CFAP74: variants seen among roughly 807,000 people sequenced by gnomAD.
CFAP74 encodes the protein cilia and flagella associated protein 74.
A neutral mutation model predicts 188.9 loss-of-function variants in CFAP74; 124 were observed. The observed-to-expected ratio is 0.66, with a 90% CI of 0.57 to 0.76. The LOEUF (loss-of-function observed/expected upper bound fraction) is 0.76. CFAP74 is among the 30% of genes least tolerant of loss of function. The probability of loss-of-function intolerance (pLI) is 0.00; values close to 1 mark genes in which losing one functional copy is unlikely to be tolerated. For synonymous variants in CFAP74, 956 were observed against 916.7 expected (o/e 1.04, Z -0.77); for missense variants, 2,198 against 2,165.2 (o/e 1.02, Z -0.30).
chr1:1,969,933 C>G (rs548480267), intron 10 of CFAP74, among the ~76,000 whole-genome samples: 1 of 152,334 alleles, frequency 6.6e-6, no homozygotes, highest in Non-Finnish European at 1.5e-5. Flanking sequence ...AGGGCAGCTT[C>G]GGGCAAAACC....
Position 1,959,151 on chromosome 1 carries a change from A to G in CFAP74, c.1820T>C (p.Val607Ala), listed in dbSNP as rs1266990863. ...SFLAQTGEFS[V>A]PLKCSTKKCS... ...TTTCTTTGTTGAACATTTCAGTGGA[A>G]CTGAAAACTCGCCCGTCTGAGCCAA... Residue 607 changes from valine to alanine, a missense_variant, in exon 16 of 39, where the codon GTT (valine) becomes GCT (alanine). Val to Ala is a moderately conservative substitution (Grantham distance 64). Coordinates refer to ENST00000682832, the MANE Select transcript of CFAP74 (RefSeq NM_001304360.2). 22 of 1,613,068 alleles carry G rather than the reference A, an allele frequency of 1.4e-5. No homozygotes were observed. The highest frequency in any genetic ancestry group is 1.9e-5 in the Non-Finnish European group (22 of 1,179,366).
Position 1,972,453 on chromosome 1 carries a change from C to G in CFAP74, c.786-371G>C, listed in dbSNP as rs79954553. Among the ~76,000 whole-genome samples the G allele has an allele frequency of 8.3e-3, 1,259 of 152,362 alleles. 22 individuals are homozygous for G. The highest frequency in any genetic ancestry group is 0.028 in the African/African-American group (1,168 of 41,588). On this transcript the variant is annotated intron_variant, in intron 8 of 38. Coordinates refer to ENST00000682832, the MANE Select transcript of CFAP74 (RefSeq NM_001304360.2). Reference sequence around the variant, plus strand: ...AGGCCACGAGGACATGGCGGGAACACGCCCAGCGCATCTCAAGGGCCTCTT... The same window carrying G: ...AGGCCACGAGGACATGGCGGGAACAGGCCCAGCGCATCTCAAGGGCCTCTT...
intron 14 of CFAP74, among the ~76,000 whole-genome samples, chr1:1,960,676 T>C (rs1481494582): frequency 6.6e-6 from 1 of 152,214 alleles, no homozygotes; most frequent in Non-Finnish European, 1.5e-5. Flanking sequence ...AAAATTTTAA[T>C]GTAAAATGTG....
intron 1 of CFAP74, among the ~76,000 whole-genome samples, chr1:1,998,253 G>C (rs528003505): frequency 2.6e-5 from 4 of 152,272 alleles, no homozygotes; most frequent in African/African-American, 7.2e-5. Context: ...ACTCCAGCCT[G>C]GGTGACAGAG....
intron 1 of CFAP74, among the ~76,000 whole-genome samples, chr1:1,997,085 C>A (rs1657956440): frequency 6.6e-6 from 1 of 152,124 alleles, no homozygotes; most frequent in Non-Finnish European, 1.5e-5. Flanking sequence ...AAAACCACTT[C>A]TCAGTATTCA....
At chr1:1,970,563 C>T in intron 10 of CFAP74, 96 bp downstream of exon 10, 2 of 1,355,682 alleles carry the variant, frequency 1.5e-6, no homozygotes, top group Non-Finnish European at 2.0e-6. Flanking sequence ...GGAGAGAGAG[C>T]AGCTTTGCTC....
At chr1:1,933,368 C>G (rs1201617909) in intron 25 of CFAP74, among the ~76,000 whole-genome samples, 1 of 151,112 alleles carries the variant, frequency 6.6e-6, no homozygotes, top group Non-Finnish European at 1.5e-5. Context: ...TTAGTAGAGA[C>G]AGGGTTTCAC....
Position 1,959,965 on chromosome 1 carries a change from A to G in CFAP74, c.1760T>C (p.Met587Thr). 6.3e-7 allele frequency: 1 copy of G among 1,588,332 alleles called. No individual in the cohort carries two copies. The highest frequency in any genetic ancestry group is 8.6e-7 in the Non-Finnish European group (1 of 1,168,536). ...AGAGAACGGGCCCCTCTGACTCACC[A>G]TCGGCTTGAAGGTGACAAGCACTTC... ...SCEVLVTFKPMINKDLEGNIS... is the reference protein window; with the variant it reads ...SCEVLVTFKPTINKDLEGNIS... The change falls in exon 15 of 39, where the codon ATG (methionine) becomes ACG (threonine). Residue 587 changes from methionine (M) to threonine (T), a missense_variant and splice_region_variant. Coordinates refer to ENST00000682832, the MANE Select transcript of CFAP74 (RefSeq NM_001304360.2).
intron 1 of CFAP74, among the ~76,000 whole-genome samples, chr1:1,992,636 G>GCA (rs1160350569): frequency 1.3e-5 from 2 of 151,624 alleles, no homozygotes; most frequent in Admixed American, 1.3e-4. Flanking sequence ...ACTACGCCCA[G>GCA]CTAATTTTTT....
Position 1,955,725 on chromosome 1 carries a change from C to G in CFAP74, c.2142G>C (p.Lys714Asn). ...GCTCCTCCTCCTGCTCCTTGTCCAG[C>G]TTCTCCAGCTCCTTCCGGCTCTGCA... Reference protein sequence around the residue: ...ADMQSRKELEKLDKEQEEEQP... With the variant: ...ADMQSRKELENLDKEQEEEQP... Residue 714 changes from lysine (K) to asparagine (N), a missense_variant, in exon 18 of 39, where the codon AAG becomes AAC. Physicochemically the swap from Lys to Asn is moderately conservative, Grantham distance 94. Coordinates refer to ENST00000682832, the MANE Select transcript of CFAP74 (RefSeq NM_001304360.2). 1 of 1,613,762 alleles carries G rather than the reference C, an allele frequency of 6.2e-7. No homozygotes were observed. The highest frequency in any genetic ancestry group is 8.5e-7 in the Non-Finnish European group (1 of 1,179,784).
Position 1,985,535 on chromosome 1 carries a change from C to A in CFAP74, c.396-45G>T. The A allele has an allele frequency of 2.0e-6, 3 of 1,469,642 alleles. No individual in the cohort carries two copies. The South Asian group carries it at 3.4e-5, about 17-fold the overall frequency. 91.0% of individuals were successfully genotyped at this position (1,469,642 alleles called of 1,614,324 possible). On this transcript the variant is annotated intron_variant, in intron 5 of 38. Coordinates refer to ENST00000682832, the MANE Select transcript of CFAP74 (RefSeq NM_001304360.2). ...GGCCGGGCGTGTGTCAGGCCTCAGTCATCCAGGGGCCATCCAGGTTCACCT... is the reference window on the plus strand; with the variant it reads ...GGCCGGGCGTGTGTCAGGCCTCAGTAATCCAGGGGCCATCCAGGTTCACCT...
chr1:1,987,325 C>A (rs887377078), intron 4 of CFAP74, among the ~76,000 whole-genome samples: 1 of 152,176 alleles, frequency 6.6e-6, no homozygotes, highest in Non-Finnish European at 1.5e-5. Flanking sequence ...TAAACAAGCG[C>A]ACTCCTGCGT....
chr1:1,972,552 A>G (rs906926551), intron 8 of CFAP74, among the ~76,000 whole-genome samples: 5 of 152,248 alleles, frequency 3.3e-5, no homozygotes, highest in Non-Finnish European at 7.3e-5. Context: ...TGATTCAATA[A>G]TAAAATCAGG....
rs1208256852 is a variant in CFAP74 at position 1,968,858 on chromosome 1, A to C, written c.1047-25T>G. 4 of 1,610,340 alleles carry C rather than the reference A, an allele frequency of 2.5e-6. No homozygotes were observed. In the African/African-American group the frequency reaches 5.3e-5, roughly 22 times the overall value. On this transcript the variant is annotated intron_variant, in intron 10 of 38. Coordinates refer to ENST00000682832, the MANE Select transcript of CFAP74 (RefSeq NM_001304360.2). The surrounding 1 kb of genome is among the most constrained non-coding windows in gnomAD (Gnocchi z 4.3). ...CCTGCGTGGAGTCGCTTCTCAGATGAGTGCAAGAGGTCCCCTGCCTCCACC... is the reference window on the plus strand; with the variant it reads ...CCTGCGTGGAGTCGCTTCTCAGATGCGTGCAAGAGGTCCCCTGCCTCCACC...
rs111729792 is a variant in CFAP74, at chr1:1,939,122, GTC to G, written c.2878-136_2878-135del. The G allele has an allele frequency of 5.1e-4, 476 of 934,190 alleles. 2 individuals carry two copies. The African/African-American group carries it at 7.1e-3, about 14-fold the overall frequency. 57.9% of individuals were successfully genotyped at this position (934,190 alleles called of 1,614,324 possible). ...CGAATGTGAGGGTGAGAGTGTCGCT[GTC>G]AACGAGTGTGTGTCAGCAAGTGTGT... is the stretch of plus-strand genomic sequence containing the variant. On this transcript the variant is annotated intron_variant, in intron 24 of 38. Transcript: ENST00000682832.
At chr1:1,970,908 C>T (rs905713677) in intron 9 of CFAP74, 92 bp from the exon 10 acceptor site, 6 of 1,499,272 alleles carry the variant, frequency 4.0e-6, no homozygotes, top group Non-Finnish European at 5.5e-6. Flanking sequence ...CAGGTTCATA[C>T]ATGCACACGT....
intron 1 of CFAP74, among the ~76,000 whole-genome samples, chr1:1,997,455 G>A (rs976987190): frequency 1.3e-5 from 2 of 151,450 alleles, no homozygotes; most frequent in African/African-American, 4.8e-5. Context: ...AAGGCATAAG[G>A]AATGGAAGGG....
Position 1,955,866 on chromosome 1 carries a change from A to G in CFAP74, c.2017-16T>C. On this transcript the variant is annotated splice_polypyrimidine_tract_variant and intron_variant, in intron 17 of 38. Coordinates refer to ENST00000682832, the MANE Select transcript of CFAP74 (RefSeq NM_001304360.2). ...GGAGACTGCTCTAGAGAGGAGAATC[A>G]ACATCCTGGCTTGGGAGGTTTCCCA... 6.2e-7 allele frequency: 1 copy of G among 1,600,450 alleles called. No homozygotes were observed. Among genetic ancestry groups the G allele is most frequent in the Non-Finnish European group, 8.5e-7 (1 of 1,172,776 alleles).
At chr1:1,994,403 C>T (rs1193451030) in intron 1 of CFAP74, among the ~76,000 whole-genome samples, 1 of 152,152 alleles carries the variant, frequency 6.6e-6, no homozygotes. Context: ...AAAATATTTT[C>T]AGTGCCTAGC....
Sources: gnomAD v4.1 joint callset for allele counts (sites outside exome capture counted in the v4.1 genomes callset) on GRCh38, gnomAD v4.1.1 for gene constraint, Gnocchi (gnomAD v3.1) non-coding constraint, MANE v1.5 for transcripts, NCBI Gene and HGNC (gene_info 2026-07-23, HGNC 2026-07-21) for gene names.